Variants in RERE observed in about 807,000 individuals in gnomAD.
RERE encodes the protein arginine-glutamic acid dipeptide repeats protein.
A neutral mutation model predicts 146.1 loss-of-function variants in RERE; 40 were observed. The observed-to-expected ratio is 0.27, with a 90% confidence interval of 0.21 to 0.36. The LOEUF is 0.36. RERE is among the 10% of genes least tolerant of loss of function. RERE has a pLI of 1.00. For missense variants in RERE, 1,933 were observed against 2,138.7 expected, an observed-to-expected ratio of 0.90 and a Z score of 1.90; for synonymous variants, 1,003 against 866.0, an observed-to-expected ratio of 1.16 and a Z score of -2.78.
At chr1:8,721,311 T>A (rs1639859468) in intron 1 of RERE, among the ~76,000 whole-genome samples, 1 of 152,032 alleles carries the variant, frequency 6.6e-6, no homozygotes, top group Non-Finnish European at 1.5e-5. Context: ...CACTCAAGAC[T>A]TTTTTATTAT....
chr1:8,415,717 C>T (rs532375770), intron 12 of RERE, among the ~76,000 whole-genome samples: 2 of 152,350 alleles, frequency 1.3e-5, no homozygotes, highest in South Asian at 2.1e-4. Flanking sequence ...ATTACCCTCA[C>T]GAAAACTGGA....
Position 8,362,711 on chromosome 1 carries a change from TTACTGTCATTGCTGGAGG to T in RERE, c.1856_1873del (p.Thr619_Ser624del). ...GGCCGACTTCTTCACTGTCTCTGCT[TTACTGTCATTGCTGGAGG>T]TACTGGCAGCGCTGGGGGAGTTCCG... On this transcript the variant is annotated inframe_deletion, in exon 16 of 23. Coordinates refer to ENST00000400908, the MANE Select transcript of RERE (RefSeq NM_001042681.2). 1.2e-6 allele frequency: 2 copies of T among 1,614,224 alleles called. No individual in the cohort carries two copies. Among genetic ancestry groups the T allele is most frequent in the Non-Finnish European group, 1.7e-6 (2 of 1,180,046 alleles).
At chr1:8,634,767 GCT>G (rs1647075946) in intron 2 of RERE, among the ~76,000 whole-genome samples, 1 of 152,092 alleles carries the variant, frequency 6.6e-6, no homozygotes. Context: ...ACGGAGTCTT[GCT>G]CTGTCACCCA....
intron 2 of RERE, among the ~76,000 whole-genome samples, chr1:8,649,729 C>CA (rs112009419): frequency 0.13 from 10,142 of 78,548 alleles, 445 homozygotes; most frequent in Middle Eastern, 0.28. Flanking sequence ...GACTCCGTCT[C>CA]AAAAAAAAAA....
intron 4 of RERE, among the ~76,000 whole-genome samples, chr1:8,607,541 T>TC (rs1646734950): frequency 1.6e-5 from 1 of 61,066 alleles, no homozygotes; most frequent in African/African-American, 6.6e-5. Flanking sequence ...TTTCTTTTTT[T>TC]TTTTTTTTTT....
Position 8,656,386 on chromosome 1 carries a change from T to G in RERE, c.-89A>C. 2.0e-6 allele frequency: 3 copies of G among 1,490,518 alleles called. No homozygotes were observed. The highest frequency in any genetic ancestry group is 1.8e-6 in the Non-Finnish European group (2 of 1,117,040). The allele number at this position is 1,490,518 out of a possible 1,614,324, so 92.3% of individuals were successfully genotyped here. The stretch of plus-strand genomic sequence containing the variant: ...CCTGGGCTTCAGTCTTCTGAATTTC[T>G]CACTCAATTCCAGGGAAAATCCAAC... On this transcript the variant is annotated 5_prime_UTR_variant, in exon 2 of 23. Transcript: ENST00000400908.
intron 10 of RERE, among the ~76,000 whole-genome samples, chr1:8,490,881 C>A (rs769284876): frequency 6.7e-6 from 1 of 149,748 alleles, no homozygotes; most frequent in Non-Finnish European, 1.5e-5. Flanking sequence ...AGTAGTTTCA[C>A]AGATTTATAA....
chr1:8,774,813 T>G (rs890978267), intron 1 of RERE, among the ~76,000 whole-genome samples: 1 of 152,162 alleles, frequency 6.6e-6, no homozygotes, highest in Admixed American at 6.5e-5. Flanking sequence ...GCTCATTCAT[T>G]GGTGGGTATT....
chr1:8,413,702 T>C lies in RERE; in HGVS notation c.1284+9025A>G, dbSNP rs141051119. Among the ~76,000 whole-genome samples, 208 of 152,062 alleles carry C rather than the reference T, an allele frequency of 1.4e-3. 1 individual carries two copies. Among genetic ancestry groups the C allele is most frequent in the Non-Finnish European group, 2.1e-3 (146 of 67,952 alleles). On this transcript the variant is annotated intron_variant, in intron 12 of 22. Transcript: ENST00000400908. Reference sequence around the variant, plus strand: ...ACTCTGCTGAGATGAAATGGGCCCTTTGTGTAACAGCAACCAGCCTGGGGA... The same window carrying C: ...ACTCTGCTGAGATGAAATGGGCCCTCTGTGTAACAGCAACCAGCCTGGGGA...
intron 11 of RERE, among the ~76,000 whole-genome samples, chr1:8,435,385 A>T (rs368518913): frequency 5.9e-5 from 9 of 152,338 alleles, no homozygotes; most frequent in African/African-American, 1.4e-4. Flanking sequence ...ACAAGAATGT[A>T]TCTGGAGATG....
chr1:8,448,813 A>G (rs540045251), intron 11 of RERE, among the ~76,000 whole-genome samples: 14 of 152,136 alleles, frequency 9.2e-5, no homozygotes, highest in Non-Finnish European at 1.9e-4. Context: ...TCGGTGACAG[A>G]GCAAGACTCC....
At chr1:8,671,289 T>C (rs1487245777) in intron 1 of RERE, among the ~76,000 whole-genome samples, 2 of 152,178 alleles carry the variant, frequency 1.3e-5, no homozygotes, top group Admixed American at 1.3e-4. Flanking sequence ...GTTGAAATGG[T>C]AGAATGATGG....
chr1:8,389,007 G>A (rs540976137), intron 12 of RERE, among the ~76,000 whole-genome samples: 1 of 152,268 alleles, frequency 6.6e-6, no homozygotes, highest in South Asian at 2.1e-4. Context: ...AAACCCAAAT[G>A]ACCTCCCTTC....
At position 8,689,017 on chromosome 1, in the gene RERE, C is replaced by T. The variant is rs78034080; in HGVS notation, c.-144-32576G>A. ...TACTTTTTAAATGAGTGAGCTATCT[C>T]GTATAGGAATTTTCTCTCAATAAAG... On this transcript the variant is annotated intron_variant, in intron 1 of 22. Transcript: ENST00000400908. Among the ~76,000 whole-genome samples the T allele has an allele frequency of 4.0e-5, 6 of 151,740 alleles. No homozygotes were observed. In the East Asian group the frequency reaches 7.7e-4, roughly 20 times the overall value.
At chr1:8,761,101 G>A (rs558919503) in intron 1 of RERE, among the ~76,000 whole-genome samples, 3 of 152,256 alleles carry the variant, frequency 2.0e-5, no homozygotes, top group African/African-American at 7.2e-5. Context: ...GAACCATTAT[G>A]CTTTACCGTC....
chr1:8,741,518 T>G (rs1169215681), intron 1 of RERE, among the ~76,000 whole-genome samples: 1 of 152,212 alleles, frequency 6.6e-6, no homozygotes, highest in African/African-American at 2.4e-5. Context: ...TCCCATGCTG[T>G]TCTCGTGATG....
rs1402630413 is a variant in RERE, at chr1:8,361,883, G to A, written c.1903-7C>T. 1 of 1,605,592 alleles carries A rather than the reference G, an allele frequency of 6.2e-7. No individual in the cohort carries two copies. The highest frequency in any genetic ancestry group is 1.7e-5 in the Admixed American group (1 of 59,942). On this transcript the variant is annotated splice_region_variant and splice_polypyrimidine_tract_variant and intron_variant, in intron 16 of 22. Transcript: ENST00000400908. ...AGGCTTCCTCCTTCACCTTCTGCAGGGGAAAAGCCCACAAGGAGCAATCAG... is the reference window on the plus strand; with the variant it reads ...AGGCTTCCTCCTTCACCTTCTGCAGAGGAAAAGCCCACAAGGAGCAATCAG...
intron 20 of RERE, among the ~76,000 whole-genome samples, chr1:8,357,580 C>T (rs1023861820): frequency 2.6e-5 from 4 of 152,234 alleles, no homozygotes; most frequent in African/African-American, 4.8e-5. Flanking sequence ...CCACCCCCTG[C>T]GCCATCTCAC....
intron 19 of RERE, 146 bp from the exon 20 acceptor site, chr1:8,359,062 G>A: frequency 2.8e-6 from 3 of 1,052,796 alleles, no homozygotes; most frequent in South Asian, 4.0e-5. Flanking sequence ...CCCTGCCTTG[G>A]CCTGACACCA....
Sources: allele counts gnomAD v4.1 joint callset (sites outside exome capture counted in the v4.1 genomes callset), GRCh38; gene constraint gnomAD v4.1.1; transcripts MANE v1.5; gene names NCBI Gene and HGNC (gene_info 2026-07-23, HGNC 2026-07-21).